The following NCOR2 variants were observed in gnomAD, a reference collection of about 807,000 sequenced individuals.
The protein encoded by NCOR2 is CTG repeat protein 26.
A neutral mutation model predicts 262.9 loss-of-function variants in NCOR2; 81 were observed. The observed-to-expected ratio is 0.31, with a 90% CI of 0.26 to 0.37. The LOEUF is 0.37. NCOR2 is among the 10% of genes least tolerant of loss of function. The probability of loss-of-function intolerance (pLI) is 1.00; values close to 1 mark genes in which losing one functional copy is unlikely to be tolerated. For missense variants in NCOR2, 3,385 were observed against 3,621.4 expected, an observed-to-expected ratio of 0.93 and a Z score of 1.68; for synonymous variants, 1,659 against 1,559.3, an observed-to-expected ratio of 1.06 and a Z score of -1.51.
intron 1 of NCOR2, among the ~76,000 whole-genome samples, chr12:124,543,351 GATC>G (rs959851071): frequency 6.6e-6 from 1 of 152,200 alleles, no homozygotes; most frequent in African/African-American, 2.4e-5. Context: ...CCATGACAAC[GATC>G]ATCACAATAA....
chr12:124,372,306 C>T (rs746874607), exon 20 of NCOR2: 3 of 1,529,962 alleles, frequency 2.0e-6, no homozygotes, highest in South Asian at 1.3e-5. Flanking sequence ...GCTTCTGCTC[C>T]TCCCCCTCCT....
intron 1 of NCOR2, among the ~76,000 whole-genome samples, chr12:124,526,920 T>A (rs761903646): frequency 1.3e-5 from 2 of 152,168 alleles, no homozygotes; most frequent in Non-Finnish European, 2.9e-5. Context: ...CTAAGGACCA[T>A]TATCTCAGGC....
intron 22 of NCOR2, among the ~76,000 whole-genome samples, chr12:124,360,833 C>T (rs985183784): frequency 2.6e-5 from 4 of 151,960 alleles, no homozygotes; most frequent in Admixed American, 2.6e-4. Context: ...GCTCTTCACT[C>T]AACCCGTTTT....
intron 1 of NCOR2, among the ~76,000 whole-genome samples, chr12:124,500,673 G>A (rs1283256812): frequency 6.6e-6 from 1 of 152,108 alleles, no homozygotes; most frequent in Non-Finnish European, 1.5e-5. Context: ...GCCTTTCCGG[G>A]AGGCCCTGGA....
At chr12:124,470,592 C>T (rs908728256) in intron 4 of NCOR2, among the ~76,000 whole-genome samples, 5 of 152,182 alleles carry the variant, frequency 3.3e-5, no homozygotes, top group South Asian at 2.1e-4. Flanking sequence ...CCAGAAAGGA[C>T]GCATACTGTG....
upstream of NCOR2, among the ~76,000 whole-genome samples, chr12:124,496,073 G>C (rs1442075476): frequency 1.3e-5 from 2 of 152,090 alleles, no homozygotes; most frequent in African/African-American, 4.8e-5. This position sits in a 1 kb window ranked among gnomAD's most constrained non-coding sequence, Gnocchi z 4.4. Context: ...GCCTTCCACG[G>C]GAGAGGATCT....
At chr12:124,524,954 C>G (rs1038178316) in intron 1 of NCOR2, among the ~76,000 whole-genome samples, 1 of 152,254 alleles carries the variant, frequency 6.6e-6, no homozygotes, top group Non-Finnish European at 1.5e-5. Flanking sequence ...GAGTCCGGAA[C>G]ATGCCACGTG....
intron 1 of NCOR2, among the ~76,000 whole-genome samples, chr12:124,532,833 C>T (rs1395635287): frequency 6.6e-6 from 1 of 151,642 alleles, no homozygotes; most frequent in African/African-American, 2.4e-5. Flanking sequence ...CTGCTGAGTT[C>T]ATCACTTTGT....
At chr12:124,493,272 A>C (rs1175967747) in intron 1 of NCOR2, among the ~76,000 whole-genome samples, 1 of 152,132 alleles carries the variant, frequency 6.6e-6, no homozygotes, top group East Asian at 1.9e-4. Flanking sequence ...GAAGAGTGGG[A>C]ACCTCCACAG....
At position 124,504,850 on chromosome 12, in the gene NCOR2, C is replaced by T. The variant is rs147553749; in HGVS notation, c.-117-9482G>A. Among the ~76,000 whole-genome samples, 8 of 152,218 alleles carry T rather than the reference C, an allele frequency of 5.3e-5. No individual in the cohort carries two copies. The East Asian group carries it at 1.4e-3, about 26-fold the overall frequency. ...AGATTCCCAGGACAGAACAAAGGCCCGAGGCTGCCAGGGGTTGTGGGGAGG... is the reference window on the plus strand; with the variant it reads ...AGATTCCCAGGACAGAACAAAGGCCTGAGGCTGCCAGGGGTTGTGGGGAGG... On this transcript the variant is annotated intron_variant, in intron 1 of 46. Transcript: ENST00000404621. The surrounding 1 kb of genome is among the most constrained non-coding windows in gnomAD (Gnocchi z 4.5).
In NCOR2 at chr12:124,333,035, G is replaced by A. The variant is rs2035352397; in HGVS notation, c.6755+95C>T. 6 of 1,468,138 alleles carry A rather than the reference G, an allele frequency of 4.1e-6. 1 individual carries two copies. In the South Asian group the frequency reaches 7.1e-5, roughly 17 times the overall value. The allele number at this position is 1,468,138 out of a possible 1,614,324, so 90.9% of individuals were successfully genotyped here. On this transcript the variant is annotated intron_variant, in intron 42 of 46. Coordinates refer to ENST00000405201, the Ensembl canonical transcript of NCOR2. ...TCACCCAGCTGAGCCCTGTGCCCTT[G>A]TCACTCTCCACATGGCACCACGGTG... is the stretch of plus-strand genomic sequence containing the variant.
rs1390601001 is a variant in NCOR2 at position 124,548,976 on chromosome 12, G to A, written c.-164-13365C>T. 2.0e-5 allele frequency among the ~76,000 whole-genome samples: 3 copies of A among 152,110 alleles called. No homozygotes were observed. The highest frequency in any genetic ancestry group is 1.9e-4 in the East Asian group (1 of 5,200). On this transcript the variant is annotated intron_variant, in intron 1 of 32. Transcript: ENST00000458234. This position sits in a 1 kb window ranked among gnomAD's most constrained non-coding sequence, Gnocchi z 5.1. Reference sequence around the variant, plus strand: ...GTTTCCCCGCTTCCCCTTACCCGACGGTTGGGGCACCGCACAGATTTTTGC... The same window carrying A: ...GTTTCCCCGCTTCCCCTTACCCGACAGTTGGGGCACCGCACAGATTTTTGC...
intron 3 of NCOR2, among the ~76,000 whole-genome samples, chr12:124,480,106 TCAATC>T (rs142355526): frequency 0.019 from 2,852 of 152,320 alleles, 46 homozygotes; most frequent in Non-Finnish European, 0.028. Flanking sequence ...GGTCAACCAT[TCAATC>T]CAATCCGGCC....
At chr12:124,544,406 C>A (rs933528655) in intron 1 of NCOR2, among the ~76,000 whole-genome samples, 2 of 152,250 alleles carry the variant, frequency 1.3e-5, no homozygotes, top group Admixed American at 6.5e-5. Context: ...CCGGGCTGCC[C>A]GCCCAGGAGC....
intron 1 of NCOR2, among the ~76,000 whole-genome samples, chr12:124,533,320 A>G (rs898605506): frequency 7.2e-5 from 11 of 151,992 alleles, no homozygotes; most frequent in Admixed American, 5.9e-4. Context: ...AAGCTGCCTC[A>G]GTGCTTTGGC....
At chr12:124,472,820 C>T (rs778187649) in intron 4 of NCOR2, 132 bp downstream of exon 6, 208 of 1,190,674 alleles carry the variant, frequency 1.7e-4, no homozygotes, top group Admixed American at 1.1e-3. Flanking sequence ...GTCCAATAAA[C>T]GTAAAGGGCA....
Position 124,457,414 on chromosome 12 carries a change from C to T in NCOR2, c.706-252G>A, listed in dbSNP as rs1048922142. ...TCGATTTTAGCAAATGCGCCGGGTC[C>T]ACTGAAGCCTGCTCCCCGGCAGGCG... is the stretch of plus-strand genomic sequence containing the variant. On this transcript the variant is annotated intron_variant, in intron 5 of 46. Transcript: ENST00000405201. This position sits in a 1 kb window ranked among gnomAD's most constrained non-coding sequence, Gnocchi z 4.0. 2.0e-5 allele frequency among the ~76,000 whole-genome samples: 3 copies of T among 152,068 alleles called. No homozygotes were observed. Among genetic ancestry groups the T allele is most frequent in the African/African-American group, 7.2e-5 (3 of 41,426 alleles).
chr12:124,551,258 C>T (rs1443475858), intron 1 of NCOR2, among the ~76,000 whole-genome samples: 1 of 152,292 alleles, frequency 6.6e-6, no homozygotes, highest in African/African-American at 2.4e-5. Context: ...GCCGAGAAAA[C>T]GACTGCACTG....
intron 45 of NCOR2, 132 bp from the exon 48 acceptor site, chr12:124,326,502 A>C (rs903074132): frequency 3.4e-6 from 3 of 876,720 alleles, no homozygotes; most frequent in Middle Eastern, 3.6e-4. Context: ...AGTAACGTGA[A>C]CCCCTCCTCC....
Sources: gnomAD v4.1 joint callset for allele counts (sites outside exome capture counted in the v4.1 genomes callset) on GRCh38, gnomAD v4.1.1 for gene constraint, Gnocchi (gnomAD v3.1) non-coding constraint, MANE v1.5 for transcripts, NCBI Gene and HGNC (gene_info 2026-07-23, HGNC 2026-07-21) for gene names.